The following RB1 variants were observed in gnomAD, a reference collection of about 807,000 sequenced individuals.
RB1 encodes retinoblastoma-associated protein.
RB1 carries 18 observed loss-of-function variants against 135.4 expected under a neutral mutation model. The observed-to-expected ratio is 0.13, with a 90% CI of 0.09 to 0.20. RB1 has a LOEUF of 0.20. Ranked by LOEUF, RB1 falls within the 10% of genes least tolerant of loss-of-function variation. The pLI, the probability that RB1 is intolerant of heterozygous loss-of-function variation, is 1.00. For missense variants in RB1, 868 were observed against 1,110.0 expected, an observed-to-expected ratio of 0.78 and a Z score of 3.10; for synonymous variants, 365 against 373.2, an observed-to-expected ratio of 0.98 and a Z score of 0.25.
Position 48,328,019 on chromosome 13 carries a change from A to G in RB1, c.265-14580A>G, listed in dbSNP as rs1952302833. On this transcript the variant is annotated intron_variant, in intron 2 of 26. Transcript: ENST00000267163. ...AAAGGTAGTCTTATACCATTCTTAAAAAAAGGAAACTGTTCTTTTTAACTT... is the reference window on the plus strand; with the variant it reads ...AAAGGTAGTCTTATACCATTCTTAAGAAAAGGAAACTGTTCTTTTTAACTT... The G allele has an allele frequency of 7.2e-6, 5 of 695,402 alleles. No individual in the cohort carries two copies. In the Admixed American group the frequency reaches 9.5e-5, roughly 13 times the overall value. The allele number at this position is 695,402 out of a possible 1,614,324, so 43.1% of individuals were successfully genotyped here. A position where few individuals can be genotyped will look rare whatever the true frequency, so the allele number is the denominator to read the frequency against.
intron 17 of RB1, chr13:48,389,774 C>G (rs1204461849): frequency 6.6e-6 from 1 of 152,220 alleles, no homozygotes; most frequent in Non-Finnish European, 1.5e-5. Flanking sequence ...CATCCTCCCT[C>G]CCTAGAGTGG....
intron 17 of RB1, among the ~76,000 whole-genome samples, chr13:48,443,256 G>A (rs1949255447): frequency 6.6e-6 from 1 of 151,448 alleles, no homozygotes; most frequent in African/African-American, 2.4e-5. Flanking sequence ...TCCTTTTTCA[G>A]TAAATGGATA....
intron 2 of RB1, chr13:48,318,714 C>T (rs1952208236): frequency 3.2e-6 from 2 of 628,446 alleles, no homozygotes; most frequent in Admixed American, 2.4e-5. Context: ...TTTCCTTTTG[C>T]AGCTCAGCAG....
At chr13:48,315,349 A>G (rs1952172768) in intron 2 of RB1, among the ~76,000 whole-genome samples, 1 of 152,222 alleles carries the variant, frequency 6.6e-6, no homozygotes, top group Non-Finnish European at 1.5e-5. Flanking sequence ...GTATTGGTAC[A>G]CAGGAATGCT....
chr13:48,308,965 G>A (rs561112366), intron 2 of RB1, among the ~76,000 whole-genome samples: 1 of 151,960 alleles, frequency 6.6e-6, no homozygotes, highest in African/African-American at 2.4e-5. Flanking sequence ...ATAGTTTCTA[G>A]TGATAGTATA....
intron 2 of RB1, chr13:48,328,109 A>G: frequency 1.1e-6 from 1 of 948,830 alleles, no homozygotes; most frequent in African/African-American, 1.6e-5. Flanking sequence ...CATTTCGAAG[A>G]TGAGATTTTA....
chr13:48,347,156 T>C lies in RB1; in HGVS notation c.501-669T>C, dbSNP rs117081003. On this transcript the variant is annotated intron_variant, in intron 4 of 26. Transcript: ENST00000267163. Reference sequence around the variant, plus strand: ...ATTACATAGTGGACAAAGCATTACATTGTATATGTTTAAGGGTGAAGGGTA... The same window carrying C: ...ATTACATAGTGGACAAAGCATTACACTGTATATGTTTAAGGGTGAAGGGTA... 5.2e-3 allele frequency among the ~76,000 whole-genome samples: 793 copies of C among 152,198 alleles called. 5 individuals carry two copies. The highest frequency in any genetic ancestry group is 0.02 in the Middle Eastern group (6 of 294).
At chr13:48,371,503 C>A (rs1952758308) in intron 11 of RB1, among the ~76,000 whole-genome samples, 1 of 152,004 alleles carries the variant, frequency 6.6e-6, no homozygotes, top group Non-Finnish European at 1.5e-5. Flanking sequence ...TTTTAAAGAT[C>A]TGAACCAACG....
chr13:48,347,962 A>G (rs1185437234), intron 5 of RB1, 99 bp downstream of exon 5: 1 of 880,628 alleles, frequency 1.1e-6, no homozygotes, highest in African/African-American at 1.7e-5. Flanking sequence ...GATCGATTAT[A>G]GCAGGCTACT....
At chr13:48,432,962 G>A (rs967047207) in intron 17 of RB1, among the ~76,000 whole-genome samples, 1 of 152,002 alleles carries the variant, frequency 6.6e-6, no homozygotes, top group African/African-American at 2.4e-5. Flanking sequence ...TGAAATCAGA[G>A]AATAATATCT....
intron 11 of RB1, among the ~76,000 whole-genome samples, chr13:48,369,393 C>G (rs1013120777): frequency 5.9e-5 from 9 of 152,104 alleles, no homozygotes; most frequent in African/African-American, 2.2e-4. Flanking sequence ...GATCTTGCTC[C>G]TTCTGGTCTC....
At position 48,307,251 on chromosome 13, in the gene RB1, C is replaced by T. The variant is rs200150358; in HGVS notation, c.138-29C>T. ...AATCAATTTGATTTATAAGTATATG[C>T]CAATTATATGATTATTTTCATTTGG... On this transcript the variant is annotated intron_variant, in intron 1 of 26. Transcript: ENST00000267163. 5.7e-6 allele frequency: 9 copies of T among 1,575,974 alleles called. No homozygotes were observed. The African/African-American group carries it at 6.7e-5, about 12-fold the overall frequency.
intron 5 of RB1, 107 bp from the exon 6 acceptor site, chr13:48,348,848 AT>A (rs146977585): frequency 0.015 from 15,154 of 1,039,968 alleles, no homozygotes; most frequent in Middle Eastern, 0.018. Flanking sequence ...AACTAAGGTC[AT>A]TTTTTTTTTA....
At position 48,347,774 on chromosome 13, in the gene RB1, A is replaced by G. The variant is rs1302191210; in HGVS notation, c.501-51A>G. 3.1e-6 allele frequency: 4 copies of G among 1,277,210 alleles called. No individual in the cohort carries two copies. The African/African-American group carries it at 4.4e-5, about 14-fold the overall frequency. The allele number at this position is 1,277,210 out of a possible 1,614,324, so 79.1% of individuals were successfully genotyped here. ...AATAAAGCATGAGAAAACTACTATG[A>G]CTTCTAAATTACGAAAAAATGTTAA... On this transcript the variant is annotated intron_variant, in intron 4 of 26. Coordinates refer to ENST00000267163, the MANE Select transcript of RB1 (RefSeq NM_000321.3).
rs1276641790 is a variant in RB1 at position 48,465,315 on chromosome 13, A to G, written c.2436A>G (p.Pro812=). 5 of 1,611,458 alleles carry G rather than the reference A, an allele frequency of 3.1e-6. No homozygotes were observed. The African/African-American group carries it at 4.0e-5, about 13-fold the overall frequency. ...GNIYISPLKS[P]YKISEGLPTP... Reference sequence around the variant, plus strand: ...TCTATATTTCACCCCTGAAGAGTCCATATAAAATTTCAGAAGGTCTGCCAA... The same window carrying G: ...TCTATATTTCACCCCTGAAGAGTCCGTATAAAATTTCAGAAGGTCTGCCAA... Residue 812 remains proline, a synonymous_variant, in exon 23 of 27, where the codon CCA becomes CCG. Coordinates refer to ENST00000267163, the MANE Select transcript of RB1 (RefSeq NM_000321.3).
Position 48,307,207 on chromosome 13 carries a change from T to C in RB1, c.138-73T>C, listed in dbSNP as rs1045106942. The stretch of plus-strand genomic sequence containing the variant: ...TCACAGTAGTGTTATGTGCAAACTA[T>C]TGAAACAAGTATGTACTGAATCAAT... On this transcript the variant is annotated intron_variant, in intron 1 of 26. Transcript: ENST00000267163. The C allele has an allele frequency of 1.4e-5, 18 of 1,296,728 alleles. No individual in the cohort carries two copies. The East Asian group carries it at 3.2e-4, about 23-fold the overall frequency. 80.3% of individuals were successfully genotyped at this position (1,296,728 alleles called of 1,614,324 possible). A position where few individuals can be genotyped will look rare whatever the true frequency, so the allele number is the denominator to read the frequency against.
chr13:48,429,834 C>A (rs991907181), intron 17 of RB1, among the ~76,000 whole-genome samples: 6 of 151,896 alleles, frequency 4.0e-5, no homozygotes, highest in African/African-American at 1.5e-4. Context: ...TACAAAATAC[C>A]TTAGGAATAA....
At chr13:48,325,717 A>C (rs989199888) in intron 2 of RB1, among the ~76,000 whole-genome samples, 2 of 151,736 alleles carry the variant, frequency 1.3e-5, no homozygotes, top group East Asian at 3.9e-4. Flanking sequence ...TGGGTATATC[A>C]TAATTTATTT....
chr13:48,405,610 T>C (rs1948732793), intron 17 of RB1, among the ~76,000 whole-genome samples: 1 of 152,194 alleles, frequency 6.6e-6, no homozygotes, highest in South Asian at 2.1e-4. Context: ...AGCTGAGAAG[T>C]TGCAGCCAGA....
Sources: allele counts gnomAD v4.1 joint callset (sites outside exome capture counted in the v4.1 genomes callset), GRCh38; gene constraint gnomAD v4.1.1; transcripts MANE v1.5; gene names NCBI Gene and HGNC (gene_info 2026-07-23, HGNC 2026-07-21).